The following PRPH2 variants were observed in gnomAD, a reference collection of about 807,000 sequenced individuals.
PRPH2 encodes peripherin-2.
A neutral mutation model predicts 31.3 loss-of-function variants in PRPH2; 17 were observed. That is an observed-to-expected ratio of 0.54 (90% CI 0.37 to 0.81). The LOEUF is 0.81. Among genes scored for constraint, PRPH2 ranks in the 40% least tolerant of loss-of-function variants. The pLI, the probability that PRPH2 is intolerant of heterozygous loss-of-function variation, is 0.00. For missense variants in PRPH2, 430 were observed against 439.7 expected, an observed-to-expected ratio of 0.98 and a Z score of 0.20; for synonymous variants, 165 against 184.4, an observed-to-expected ratio of 0.89 and a Z score of 0.85.
intron 1 of PRPH2, among the ~76,000 whole-genome samples, chr6:42,712,473 G>C (rs147985021): frequency 3.2e-4 from 49 of 152,280 alleles, no homozygotes; most frequent in African/African-American, 8.2e-4. Context: ...AGTATTTACA[G>C]GTAAAAGGAA....
chr6:42,697,744 T>A lies in PRPH2; in HGVS notation c.*551A>T, dbSNP rs1799971628. On this transcript the variant is annotated 3_prime_UTR_variant, in exon 3 of 3. Transcript: ENST00000230381. Reference sequence around the variant, plus strand: ...CAATGCCTTAAGAGTCCATTATTCTTAGAAAAGCGTAACTTTCCCCCAACT... The same window carrying A: ...CAATGCCTTAAGAGTCCATTATTCTAAGAAAAGCGTAACTTTCCCCCAACT... The A allele has an allele frequency of 6.4e-6, 1 of 155,220 alleles. No homozygotes were observed. Among genetic ancestry groups the A allele is most frequent in the Non-Finnish European group, 1.4e-5 (1 of 70,322 alleles). 9.6% of individuals were successfully genotyped at this position (155,220 alleles called of 1,614,324 possible).
intron 1 of PRPH2, among the ~76,000 whole-genome samples, chr6:42,705,275 C>G (rs1272676758): frequency 6.6e-6 from 1 of 152,078 alleles, no homozygotes; most frequent in Non-Finnish European, 1.5e-5. Flanking sequence ...TTGTTTAGCG[C>G]TTACCATACA....
intron 1 of PRPH2, among the ~76,000 whole-genome samples, chr6:42,709,901 G>A (rs1003776075): frequency 1.3e-5 from 2 of 152,150 alleles, no homozygotes; most frequent in Non-Finnish European, 2.9e-5. Context: ...TACCTACCAG[G>A]TGGCCCTAAG....
rs773342762 is a variant in PRPH2, at chr6:42,698,318, C to T, written c.1018G>A (p.Gly340Ser). ...CCTCAGCCAGCCTCTGGGGCCTGGC[C>T]TGCGTCTGCGCCCTCGGCTTCCACC... is the stretch of plus-strand genomic sequence containing the variant. Reference protein sequence around the residue: ...NQVEAEGADAGQAPEAG With the variant: ...NQVEAEGADASQAPEAG Residue 340 changes from glycine to serine, a missense_variant, in exon 3 of 3, where the codon GGC (glycine) becomes AGC (serine). Transcript: ENST00000230381. 1.2e-6 allele frequency: 2 copies of T among 1,613,410 alleles called. No individual in the cohort carries two copies. The highest frequency in any genetic ancestry group is 1.7e-6 in the Non-Finnish European group (2 of 1,179,438).
At chr6:42,699,621 T>A (rs534287297) in intron 2 of PRPH2, among the ~76,000 whole-genome samples, 3 of 152,278 alleles carry the variant, frequency 2.0e-5, no homozygotes, top group African/African-American at 7.2e-5. Flanking sequence ...CAATGGTGCA[T>A]GCCTGTAATC....
rs1161769235 is a variant in PRPH2 at position 42,716,962 on chromosome 6, CTTTTTTTTTTTT to C, written c.581+4780_581+4791del. Among the ~76,000 whole-genome samples, 11 of 45,210 alleles carry C rather than the reference CTTTTTTTTTTTT, an allele frequency of 2.4e-4. 1 individual carries two copies. The highest frequency in any genetic ancestry group is 9.6e-4 in the African/African-American group (10 of 10,444). The allele number at this position is 45,210 out of a possible 152,430, so 29.7% of individuals were successfully genotyped here. A position where few individuals can be genotyped will look rare whatever the true frequency, so the allele number is the denominator to read the frequency against. The stretch of plus-strand genomic sequence containing the variant: ...TTCTTTTCTTTTCTTTCTTTCTTTT[CTTTTTTTTTTTT>C]TTTTTTTTTTTTGGTAGAGGTGAAG... On this transcript the variant is annotated intron_variant, in intron 1 of 2. Transcript: ENST00000230381.
intron 1 of PRPH2, among the ~76,000 whole-genome samples, chr6:42,715,968 G>A (rs1761769214): frequency 6.6e-6 from 1 of 152,216 alleles, no homozygotes; most frequent in Non-Finnish European, 1.5e-5. Context: ...ATGCCAGAAA[G>A]TGAGGACCTC....
rs763666304 is a variant in PRPH2, at chr6:42,698,418, C to A, written c.918G>T (p.Trp306Cys). The change falls in exon 3 of 3, where the codon TGG becomes TGT. Residue 306 changes from tryptophan to cysteine, a missense_variant. Transcript: ENST00000230381. ...PEESESESQG[W>C]LLERSVPETW... ...TCTCCGGCACGCTCCTCTCCAGCAGCCAGCCCTGGCTCTCGCTCTCAGATT... is the reference window on the plus strand; with the variant it reads ...TCTCCGGCACGCTCCTCTCCAGCAGACAGCCCTGGCTCTCGCTCTCAGATT... 15 of 1,613,926 alleles carry A rather than the reference C, an allele frequency of 9.3e-6. No individual in the cohort carries two copies. The South Asian group carries it at 1.4e-4, about 15-fold the overall frequency.
chr6:42,720,756 T>A (rs538737836), intron 1 of PRPH2, among the ~76,000 whole-genome samples: 1 of 151,926 alleles, frequency 6.6e-6, no homozygotes, highest in Non-Finnish European at 1.5e-5. Flanking sequence ...CTCAGCCAGG[T>A]AGGGTCGAGT....
At chr6:42,698,586 C>CA in intron 2 of PRPH2, 79 bp from the exon 3 acceptor site, 3 of 1,582,078 alleles carry the variant, frequency 1.9e-6, no homozygotes, top group Non-Finnish European at 2.6e-6. Flanking sequence ...ACAGGAGCCT[C>CA]AAATTGAGGG....
At chr6:42,701,816 T>C (rs1490586429) in intron 2 of PRPH2, among the ~76,000 whole-genome samples, 1 of 151,600 alleles carries the variant, frequency 6.6e-6, no homozygotes, top group East Asian at 1.9e-4. Context: ...TTTTTGTGTG[T>C]TTTCAGGGAA....
rs761320905 is a variant in PRPH2 at position 42,722,330 on chromosome 6, G to T, written c.5C>A (p.Ala2Glu). 4 of 1,613,510 alleles carry T rather than the reference G, an allele frequency of 2.5e-6. No individual in the cohort carries two copies. Among genetic ancestry groups the T allele is most frequent in the Non-Finnish European group, 3.4e-6 (4 of 1,180,030 alleles). The change falls in exon 1 of 3, where the codon GCG becomes GAG. Residue 2 changes from alanine (A) to glutamate (E), a missense_variant. Transcript: ENST00000230381. The surrounding 1 kb of genome is among the most constrained non-coding windows in gnomAD (Gnocchi z 4.4). ...CTGGTCAAACTTGACTTTCAGTAGCGCCATGCTTGCCAAGTGTAGTCCGGG... is the reference window on the plus strand; with the variant it reads ...CTGGTCAAACTTGACTTTCAGTAGCTCCATGCTTGCCAAGTGTAGTCCGGG... MALLKVKFDQKK... is the reference protein window; with the variant it reads MELLKVKFDQKK...
At chr6:42,700,539 TAG>T (rs1387464902) in intron 2 of PRPH2, among the ~76,000 whole-genome samples, 1 of 152,190 alleles carries the variant, frequency 6.6e-6, no homozygotes, top group Non-Finnish European at 1.5e-5. Context: ...TAATAACTGA[TAG>T]AGTTTTAGAT....
rs1262383389 is a variant in PRPH2, at chr6:42,697,694, A to T, written c.*601T>A. The T allele has an allele frequency of 6.6e-6, 1 of 152,430 alleles. No individual in the cohort carries two copies. Among genetic ancestry groups the T allele is most frequent in the African/African-American group, 2.4e-5 (1 of 41,422 alleles). The allele number at this position is 152,430 out of a possible 1,614,324, so 9.4% of individuals were successfully genotyped here. On this transcript the variant is annotated 3_prime_UTR_variant, in exon 3 of 3. Transcript: ENST00000230381. Reference sequence around the variant, plus strand: ...TGCCTTGAAATTCTCTTGCTCCATGATTAAAGAATCCTGTTTAGAGCCCTC... The same window carrying T: ...TGCCTTGAAATTCTCTTGCTCCATGTTTAAAGAATCCTGTTTAGAGCCCTC...
intron 2 of PRPH2, among the ~76,000 whole-genome samples, chr6:42,698,725 C>T (rs995168177): frequency 3.3e-5 from 5 of 152,172 alleles, no homozygotes; most frequent in African/African-American, 1.2e-4. Context: ...TCTCCTCCTC[C>T]CTTTCCAGCC....
rs753117002 is a variant in PRPH2 at position 42,704,346 on chromosome 6, C to G, written c.828+19G>C. ...GGAGGCTCTCCTTACCCTCTACCCC[C>G]AGCTGGCCCAGGGCCTACCTCGAAG... On this transcript the variant is annotated intron_variant, in intron 2 of 2. Transcript: ENST00000230381. 14 of 1,603,804 alleles carry G rather than the reference C, an allele frequency of 8.7e-6. No individual in the cohort carries two copies. The African/African-American group carries it at 1.6e-4, about 18-fold the overall frequency.
intron 1 of PRPH2, among the ~76,000 whole-genome samples, chr6:42,705,315 C>T (rs181948827): frequency 6.6e-6 from 1 of 151,958 alleles, no homozygotes; most frequent in South Asian, 2.1e-4. Context: ...CAAAAGGGAT[C>T]TTTACAGTGA....
intron 1 of PRPH2, among the ~76,000 whole-genome samples, chr6:42,716,864 C>A (rs1407862987): frequency 6.7e-6 from 1 of 150,338 alleles, no homozygotes; most frequent in Non-Finnish European, 1.5e-5. Flanking sequence ...AAGTGATCCA[C>A]CCGCCTCAGC....
intron 1 of PRPH2, among the ~76,000 whole-genome samples, chr6:42,713,272 T>C (rs2152007956): frequency 6.6e-6 from 1 of 151,934 alleles, no homozygotes; most frequent in Admixed American, 6.6e-5. Context: ...ACTGATACCT[T>C]GCTCTGAAAA....
Sources: gnomAD v4.1 joint callset for allele counts (sites outside exome capture counted in the v4.1 genomes callset) on GRCh38, gnomAD v4.1.1 for gene constraint, Gnocchi (gnomAD v3.1) non-coding constraint, MANE v1.5 for transcripts, NCBI Gene and HGNC (gene_info 2026-07-23, HGNC 2026-07-21) for gene names.